SERPINA11: variants seen among roughly 807,000 people sequenced by gnomAD.
The protein encoded by SERPINA11 is serpin family A member 11.
A neutral mutation model predicts 29.4 loss-of-function variants in SERPINA11; 28 were observed. The observed-to-expected ratio is 0.95, with a 90% CI of 0.70 to 1.30. The LOEUF (loss-of-function observed/expected upper bound fraction) is 1.30. SERPINA11 is among the 50% of genes most tolerant of loss of function. The probability of loss-of-function intolerance (pLI) is 0.00; values close to 1 mark genes in which losing one functional copy is unlikely to be tolerated. For synonymous variants in SERPINA11, 253 were observed against 206.6 expected, an observed-to-expected ratio of 1.22 and a Z score of -1.92; for missense variants, 530 against 507.3, an observed-to-expected ratio of 1.04 and a Z score of -0.43.
intron 1 of SERPINA11, among the ~76,000 whole-genome samples, chr14:94,449,408 TCTTTCTTTCTTTCTTTC>T (rs1898524015): frequency 8.4e-5 from 1 of 11,924 alleles, no homozygotes; most frequent in East Asian, 2.5e-3. Context: ...TTCTTTCTAT[TCTTTCTTTCTTTCTTTC>T]TTTCTTTCTT....
At position 94,442,617 on chromosome 14, in the gene SERPINA11, C is replaced by G. The variant is rs757911954; in HGVS notation, c.1258G>C (p.Val420Leu). 3.1e-6 allele frequency: 5 copies of G among 1,608,454 alleles called. No individual in the cohort carries two copies. The Admixed American group carries it at 8.4e-5, about 27-fold the overall frequency. The change falls in exon 5 of 5, where the codon GTT becomes CTT. Residue 420 changes from valine to leucine, a missense_variant. By Grantham distance (32) the Val-to-Leu change is conservative. Transcript: ENST00000334708. ...GCCTCCCACCATGGTTACCCTGCAA[C>G]TGGGTTGACAACTTTTCCCAGGAAG... ...LLFLGKVVNP[V>L]AG
chr14:94,452,588 C>G lies in SERPINA11; in HGVS notation c.-4+141G>C, dbSNP rs550892266. The stretch of plus-strand genomic sequence containing the variant: ...GACTTACTTCTCCCATCCTTACCAT[C>G]AAAGCCAGGAACACACACACACACA... On this transcript the variant is annotated intron_variant, in intron 1 of 4. Transcript: ENST00000334708. 9 of 145,604 alleles carry G rather than the reference C, an allele frequency of 6.2e-5. No homozygotes were observed. The East Asian group carries it at 1.8e-3, about 29-fold the overall frequency. 9.0% of individuals were successfully genotyped at this position (145,604 alleles called of 1,614,324 possible). A position where few individuals can be genotyped will look rare whatever the true frequency, so the allele number is the denominator to read the frequency against.
intron 1 of SERPINA11, among the ~76,000 whole-genome samples, chr14:94,452,148 A>G (rs1454259215): frequency 2.6e-5 from 4 of 152,182 alleles, no homozygotes; most frequent in African/African-American, 4.8e-5. Context: ...GTCACATTCA[A>G]TGAAGAGTGG....
At chr14:94,450,812 T>C (rs1898572670) in intron 1 of SERPINA11, among the ~76,000 whole-genome samples, 1 of 152,126 alleles carries the variant, frequency 6.6e-6, no homozygotes, top group Non-Finnish European at 1.5e-5. Context: ...GGAACTGCAG[T>C]GCAAACAGGG....
chr14:94,447,609 A>G (rs369136362), intron 2 of SERPINA11, among the ~76,000 whole-genome samples: 5 of 152,364 alleles, frequency 3.3e-5, no homozygotes, highest in African/African-American at 1.2e-4. Context: ...TAAAGCTGGG[A>G]GCCCTCAACC....
intron 2 of SERPINA11, among the ~76,000 whole-genome samples, chr14:94,447,267 C>T (rs898555390): frequency 2.6e-5 from 4 of 152,188 alleles, no homozygotes; most frequent in Non-Finnish European, 5.9e-5. Context: ...GTAGTATCTT[C>T]TCTCTTACTT....
chr14:94,446,691 G>T, intron 2 of SERPINA11, 87 bp from the exon 3 acceptor site: 2 of 1,360,360 alleles, frequency 1.5e-6, no homozygotes, highest in Non-Finnish European at 2.0e-6. Flanking sequence ...AGTTCCTCTT[G>T]GCTATGCAAG....
In SERPINA11 at chr14:94,442,663, C is replaced by T. The variant is rs1328669723; in HGVS notation, c.1212G>A (p.Glu404=). Reference sequence around the variant, plus strand: ...GGAAGAGTAAGCTCTGGGTGGTGACCTCCCAAAGGAGCAAGAGGAAAGGCC... The same window carrying T: ...GGAAGAGTAAGCTCTGGGTGGTGACTTCCCAAAGGAGCAAGAGGAAAGGCC... The part of the protein sequence containing the change: ...FNRPFLLLLW[E]VTTQSLLFLG... Residue 404 remains glutamate, a synonymous_variant, in exon 5 of 5, where the codon GAG becomes GAA. Coordinates refer to ENST00000334708, the MANE Select transcript of SERPINA11 (RefSeq NM_001080451.2). 6.2e-7 allele frequency: 1 copy of T among 1,612,796 alleles called. No homozygotes were observed. Among genetic ancestry groups the T allele is most frequent in the South Asian group, 1.1e-5 (1 of 90,676 alleles).
chr14:94,446,580 C>A lies in SERPINA11; in HGVS notation c.668G>T (p.Arg223Leu), dbSNP rs761615166. The change falls in exon 3 of 5, where the codon CGC becomes CTC. Residue 223 changes from arginine to leucine, a missense_variant. By Grantham distance (102) the Arg-to-Leu change is moderately radical. Transcript: ENST00000334708. ...FKAKWKHPFS[R>L]YQTQKQESFF... ...ACTTTCCTGCTTCTGGGTCTGGTAGCGACTGAAAGGGTGCTTCCACTTGGC... is the reference window on the plus strand; with the variant it reads ...ACTTTCCTGCTTCTGGGTCTGGTAGAGACTGAAAGGGTGCTTCCACTTGGC... The A allele has an allele frequency of 4.3e-6, 7 of 1,613,926 alleles. No individual in the cohort carries two copies. The highest frequency in any genetic ancestry group is 5.9e-6 in the Non-Finnish European group (7 of 1,179,916).
chr14:94,449,390 CTCTT>C lies in SERPINA11; in HGVS notation c.-3-617_-3-614del, dbSNP rs1193136730. Among the ~76,000 whole-genome samples, 255 of 97,132 alleles carry C rather than the reference CTCTT, an allele frequency of 2.6e-3. 14 individuals are homozygous for C. Among genetic ancestry groups the C allele is most frequent in the African/African-American group, 0.013 (240 of 18,018 alleles). The allele number at this position is 97,132 out of a possible 152,430, so 63.7% of individuals were successfully genotyped here. A position where few individuals can be genotyped will look rare whatever the true frequency, so the allele number is the denominator to read the frequency against. On this transcript the variant is annotated intron_variant, in intron 1 of 4. Coordinates refer to ENST00000334708, the MANE Select transcript of SERPINA11 (RefSeq NM_001080451.2). ...AACTTCCATAGTCTAGCCTCCCTCC[CTCTT>C]TCTTTCTTTCTATTCTTTCTTTCTT...
chr14:94,451,563 T>C (rs1186610691), intron 1 of SERPINA11, among the ~76,000 whole-genome samples: 1 of 152,256 alleles, frequency 6.6e-6, no homozygotes, highest in African/African-American at 2.4e-5. Flanking sequence ...CACCATTTTC[T>C]ACTCCACTGC....
intron 3 of SERPINA11, among the ~76,000 whole-genome samples, chr14:94,445,759 T>C (rs938664720): frequency 2.0e-5 from 3 of 152,024 alleles, no homozygotes; most frequent in Non-Finnish European, 4.4e-5. Context: ...TCATTTTGCA[T>C]AGAGGCAGGG....
In SERPINA11 at chr14:94,448,166, C is replaced by T. The variant is rs757990411; in HGVS notation, c.609G>A (p.Thr203=). The T allele has an allele frequency of 3.8e-5, 62 of 1,614,060 alleles. No individual in the cohort carries two copies. The highest frequency in any genetic ancestry group is 1.6e-4 in the Middle Eastern group (1 of 6,080). ...AGATGTAATTGGCAAGAACCATGAA[C>T]GTGTCCTGGCTGAACTCCGGGAGGC... The part of the protein sequence containing the change: ...VDCLPEFSQD[T]FMVLANYIFF... Residue 203 remains threonine (T), a synonymous_variant, in exon 2 of 5, where the codon ACG becomes ACA. Coordinates refer to ENST00000334708, the MANE Select transcript of SERPINA11 (RefSeq NM_001080451.2).
intron 1 of SERPINA11, 24 bp from the exon 2 acceptor site, chr14:94,448,801 T>C (rs762949385): frequency 6.7e-7 from 1 of 1,499,160 alleles, no homozygotes; most frequent in Non-Finnish European, 8.9e-7. Context: ...GGTGAACATG[T>C]CACTTTTCTC....
chr14:94,451,483 C>A lies in SERPINA11; in HGVS notation c.-4+1246G>T, dbSNP rs545179512. On this transcript the variant is annotated intron_variant, in intron 1 of 4. Coordinates refer to ENST00000334708, the MANE Select transcript of SERPINA11 (RefSeq NM_001080451.2). ...GCAAATCAATTTAAAAATTGTTCTACCCCTGGGTAAAATGAAGTGCCTGTA... is the reference window on the plus strand; with the variant it reads ...GCAAATCAATTTAAAAATTGTTCTAACCCTGGGTAAAATGAAGTGCCTGTA... 9.2e-5 allele frequency among the ~76,000 whole-genome samples: 14 copies of A among 152,320 alleles called. No homozygotes were observed. In the South Asian group the frequency reaches 2.1e-3, roughly 23 times the overall value.
At chr14:94,449,396 CTTTCTTTCTATTCTTTCTT>C (rs1443832534) in intron 1 of SERPINA11, among the ~76,000 whole-genome samples, 7 of 12,164 alleles carry the variant, frequency 5.8e-4, no homozygotes, top group Admixed American at 5.1e-3. Context: ...CTCCCTCTTT[CTTTCTTTCTATTCTTTCTT>C]TCTTTCTTTC....
At position 94,448,194 on chromosome 14, in the gene SERPINA11, T is replaced by A. The variant is rs746881580; in HGVS notation, c.581A>T (p.Asp194Val). ...LRRQTYGQVV[D>V]CLPEFSQDTF... is the part of the protein sequence containing the mutation. The stretch of plus-strand genomic sequence containing the variant: ...GTCCTGGCTGAACTCCGGGAGGCAG[T>A]CCACGACTTGCCCGTATGTTTGCCT... Residue 194 changes from aspartate to valine, a missense_variant, in exon 2 of 5, where the codon GAC (aspartate) becomes GTC (valine). By Grantham distance (152) the Asp-to-Val change is radical (BLOSUM62 -3). Transcript: ENST00000334708. The A allele has an allele frequency of 5.0e-6, 8 of 1,614,102 alleles. No homozygotes were observed. The Admixed American group carries it at 1.3e-4, about 27-fold the overall frequency.
In SERPINA11 at chr14:94,448,151, G is replaced by T; in HGVS notation, c.624C>A (p.Ala208=). The change falls in exon 2 of 5, where the codon GCC becomes GCA. Residue 208 remains alanine, a synonymous_variant. Coordinates refer to ENST00000334708, the MANE Select transcript of SERPINA11 (RefSeq NM_001080451.2). ...EFSQDTFMVL[A]NYIFFKAKWK... ...CCTCACCTTTGAAGAAGATGTAATTGGCAAGAACCATGAACGTGTCCTGGC... is the reference window on the plus strand; with the variant it reads ...CCTCACCTTTGAAGAAGATGTAATTTGCAAGAACCATGAACGTGTCCTGGC... 1.2e-6 allele frequency: 2 copies of T among 1,613,794 alleles called. No individual in the cohort carries two copies. Among genetic ancestry groups the T allele is most frequent in the Non-Finnish European group, 1.7e-6 (2 of 1,179,750 alleles).
intron 2 of SERPINA11, among the ~76,000 whole-genome samples, chr14:94,447,209 A>T (rs1293480611): frequency 6.6e-6 from 1 of 152,252 alleles, no homozygotes; most frequent in Admixed American, 6.5e-5. Context: ...GCCCATTAAG[A>T]TGTAGTTAGA....
Sources: allele counts gnomAD v4.1 joint callset (sites outside exome capture counted in the v4.1 genomes callset), GRCh38; gene constraint gnomAD v4.1.1; transcripts MANE v1.5; gene names NCBI Gene and HGNC (gene_info 2026-07-23, HGNC 2026-07-21).